The following BRWD3 variants were observed in gnomAD, a reference collection of about 807,000 sequenced individuals.
BRWD3 encodes the protein bromodomain and WD repeat domain containing 3, also known as bromodomain and WD repeat-containing protein 3.
BRWD3 carries 10 observed loss-of-function variants against 149.7 expected under a neutral mutation model. The observed-to-expected ratio is 0.07, with a 90% confidence interval of 0.04 to 0.11. The LOEUF is 0.11. BRWD3 is among the 10% of genes least tolerant of loss of function. The pLI, the probability that BRWD3 is intolerant of heterozygous loss-of-function variation, is 1.00. For synonymous variants in BRWD3, 504 were observed against 456.7 expected (o/e 1.10, Z -1.32); for missense variants, 940 against 1,373.2 (o/e 0.68, Z 4.99).
At chrX:80,787,841 T>C (rs749629780) in intron 6 of BRWD3, among the ~76,000 whole-genome samples, 115 of 110,796 alleles carry the variant, frequency 1.0e-3, no homozygotes, top group Non-Finnish European at 1.9e-3. Flanking sequence ...TCCCAGCACT[T>C]TGGGAGGCCG....
chrX:80,720,608 A>G (rs1007950834), intron 17 of BRWD3, among the ~76,000 whole-genome samples: 1 of 111,791 alleles, frequency 8.9e-6, no homozygotes, highest in Non-Finnish European at 1.9e-5. Flanking sequence ...CAGTAAGCTA[A>G]GGTTAATTTG....
intron 6 of BRWD3, among the ~76,000 whole-genome samples, chrX:80,771,815 A>G (rs1253931510): frequency 8.9e-6 from 1 of 112,093 alleles, no homozygotes; most frequent in African/African-American, 3.2e-5. Context: ...AAGGATATGA[A>G]CAGACACTTC....
chrX:80,778,074 G>A (rs1448564877), intron 6 of BRWD3, among the ~76,000 whole-genome samples: 1 of 111,684 alleles, frequency 9.0e-6, no homozygotes, highest in Non-Finnish European at 1.9e-5. Flanking sequence ...AAACATAGTA[G>A]CCACATTTCA....
At chrX:80,704,533 C>A (rs1328207967) in intron 23 of BRWD3, 145 bp downstream of exon 23, 189 of 578,412 alleles carry the variant, frequency 3.3e-4, no homozygotes, top group Non-Finnish European at 1.4e-4. Flanking sequence ...AAATTCTTTA[C>A]ATTTTGAAGT....
chrX:80,733,358 C>G (rs2073360586), intron 12 of BRWD3, 98 bp downstream of exon 12: 1 of 654,464 alleles, frequency 1.5e-6, no homozygotes, highest in Non-Finnish European at 2.4e-6. Flanking sequence ...AATAACTGGA[C>G]AGAAATAAGG....
intron 21 of BRWD3, among the ~76,000 whole-genome samples, chrX:80,707,764 G>T (rs1463682888): frequency 8.9e-6 from 1 of 111,764 alleles, no homozygotes; most frequent in Non-Finnish European, 1.9e-5. Flanking sequence ...GATTTCTTGA[G>T]TCCAAATATA....
chrX:80,685,608 T>G lies in BRWD3; in HGVS notation c.4006-72A>C, dbSNP rs2072510451. 15 of 827,744 alleles carry G rather than the reference T, an allele frequency of 1.8e-5. No individual in the cohort carries two copies. The Middle Eastern group carries it at 1.4e-3, about 77-fold the overall frequency. 68.2% of individuals were successfully genotyped at this position (827,744 alleles called of 1,213,427 possible). A position where few individuals can be genotyped will look rare whatever the true frequency, so the allele number is the denominator to read the frequency against. On this transcript the variant is annotated intron_variant, in intron 35 of 40. Coordinates refer to ENST00000373275, the MANE Select transcript of BRWD3 (RefSeq NM_153252.5). Reference sequence around the variant, plus strand: ...AATATCAAGACGTGTAATACAATTATGACTTAAGTCTCAAAGATCCATACA... The same window carrying G: ...AATATCAAGACGTGTAATACAATTAGGACTTAAGTCTCAAAGATCCATACA...
intron 12 of BRWD3, among the ~76,000 whole-genome samples, chrX:80,731,894 C>CAAAAAA (rs760738184): frequency 8.7e-5 from 2 of 22,916 alleles, no homozygotes; most frequent in Non-Finnish European, 1.6e-4. Context: ...GACTCTGTCT[C>CAAAAAA]AAAAAAAAAA....
intron 36 of BRWD3, among the ~76,000 whole-genome samples, chrX:80,685,186 T>A (rs188012382): frequency 1.8e-5 from 2 of 111,395 alleles, no homozygotes; most frequent in East Asian, 5.7e-4. Flanking sequence ...ACAGACACAA[T>A]TATATTGTGT....
intron 8 of BRWD3, among the ~76,000 whole-genome samples, chrX:80,738,461 A>T (rs1028553122): frequency 1.8e-5 from 2 of 111,615 alleles, no homozygotes; most frequent in Non-Finnish European, 1.9e-5. Context: ...ATATTTTGTT[A>T]AAAAAAATAC....
In BRWD3 at chrX:80,672,234, A is replaced by C; in HGVS notation, c.*4375T>G. The C allele has an allele frequency of 9.1e-6, 1 of 109,671 alleles. No homozygotes were observed. The highest frequency in any genetic ancestry group is 4.0e-4 in the South Asian group (1 of 2,479). 9.0% of individuals were successfully genotyped at this position (109,671 alleles called of 1,213,427 possible). On this transcript the variant is annotated 3_prime_UTR_variant, in exon 41 of 41. Coordinates refer to ENST00000373275, the MANE Select transcript of BRWD3 (RefSeq NM_153252.5). The stretch of plus-strand genomic sequence containing the variant: ...TTGCCAATCTTAAGTGTGGTAAATT[A>C]GGTGCAGTTTTCATGGCAGAAAGAA...
chrX:80,764,534 C>T (rs1160418327), intron 6 of BRWD3, among the ~76,000 whole-genome samples: 16 of 108,678 alleles, frequency 1.5e-4, no homozygotes, highest in South Asian at 4.0e-4. Flanking sequence ...AGGATGGTCT[C>T]GATCTCCTGA....
chrX:80,768,629 C>G (rs1434387874), intron 6 of BRWD3, among the ~76,000 whole-genome samples: 1 of 111,402 alleles, frequency 9.0e-6, no homozygotes. Context: ...CAAAAACATA[C>G]CAAATTGTAA....
chrX:80,735,902 T>C (rs2073397196), intron 9 of BRWD3, 86 bp downstream of exon 9: 1 of 565,517 alleles, frequency 1.8e-6, no homozygotes, highest in Admixed American at 3.0e-5. Context: ...TGTAAATATA[T>C]ATATTTAAAT....
At position 80,704,277 on chromosome X, in the gene BRWD3, G is replaced by C. The variant is rs180819372; in HGVS notation, c.2721+401C>G. Among the ~76,000 whole-genome samples, 500 of 110,570 alleles carry C rather than the reference G, an allele frequency of 4.5e-3. 1 individual carries two copies. Among genetic ancestry groups the C allele is most frequent in the African/African-American group, 0.016 (487 of 30,393 alleles). Reference sequence around the variant, plus strand: ...CAAAAAACATAGTGGAATGGAGGGAGAGTCCTATACAATTTATCATACTCT... The same window carrying C: ...CAAAAAACATAGTGGAATGGAGGGACAGTCCTATACAATTTATCATACTCT... On this transcript the variant is annotated intron_variant, in intron 23 of 40. Coordinates refer to ENST00000373275, the MANE Select transcript of BRWD3 (RefSeq NM_153252.5).
intron 36 of BRWD3, among the ~76,000 whole-genome samples, 157 bp downstream of exon 36, chrX:80,685,305 G>A (rs1417801557): frequency 1.8e-5 from 2 of 111,939 alleles, no homozygotes; most frequent in Non-Finnish European, 3.8e-5. Context: ...GATTCAGAAA[G>A]AGGAACAAAA....
intron 8 of BRWD3, among the ~76,000 whole-genome samples, chrX:80,739,129 T>G (rs2073447964): frequency 9.0e-6 from 1 of 111,720 alleles, no homozygotes; most frequent in South Asian, 3.7e-4. Context: ...GATAGTGCCT[T>G]AAAACAGGAC....
At chrX:80,767,413 C>G in intron 6 of BRWD3, among the ~76,000 whole-genome samples, 1 of 111,486 alleles carries the variant, frequency 9.0e-6, no homozygotes, top group Non-Finnish European at 1.9e-5. Context: ...CCCAGGCAAA[C>G]AGGGTCTGGA....
rs1439226627 is a variant in BRWD3 at position 80,671,948 on chromosome X, T to C, written c.*4661A>G. ...GTAGTACTGCCTAATGTGTATCTGG[T>C]GACATATGCAAAAACACATTTCCCA... On this transcript the variant is annotated 3_prime_UTR_variant, in exon 41 of 41. Transcript: ENST00000373275. 2 of 112,262 alleles carry C rather than the reference T, an allele frequency of 1.8e-5. No homozygotes were observed. The highest frequency in any genetic ancestry group is 5.6e-4 in the East Asian group (2 of 3,572). The allele number at this position is 112,262 out of a possible 1,213,427, so 9.3% of individuals were successfully genotyped here. A position where few individuals can be genotyped will look rare whatever the true frequency, so the allele number is the denominator to read the frequency against.
Sources: allele counts gnomAD v4.1 joint callset (sites outside exome capture counted in the v4.1 genomes callset), GRCh38; gene constraint gnomAD v4.1.1; transcripts MANE v1.5; gene names NCBI Gene and HGNC (gene_info 2026-07-23, HGNC 2026-07-21).